The following SLC18A1 variants were observed in gnomAD, a reference collection of about 807,000 sequenced individuals.
The protein encoded by SLC18A1 is chromaffin granule amine transporter.
In SLC18A1, 69 loss-of-function variants were observed where a neutral mutation model predicts 53.7. The ratio of observed to expected loss-of-function variants is 1.28; its 90% CI spans 1.06 to 1.57. The LOEUF (loss-of-function observed/expected upper bound fraction) is 1.57. Among genes scored for constraint, SLC18A1 ranks in the 40% most tolerant of loss-of-function variants. SLC18A1 has a pLI of 0.00. For synonymous variants in SLC18A1, 320 were observed against 248.1 expected, an observed-to-expected ratio of 1.29 and a Z score of -2.72; for missense variants, 932 against 668.1, an observed-to-expected ratio of 1.40 and a Z score of -4.35.
At chr8:20,156,014 A>G (rs1211558089) in intron 10 of SLC18A1, among the ~76,000 whole-genome samples, 1 of 152,234 alleles carries the variant, frequency 6.6e-6, no homozygotes, top group African/African-American at 2.4e-5. Flanking sequence ...GTGCAATACA[A>G]TCTCCAAGCC....
At chr8:20,171,082 T>C (rs1234188311) in intron 8 of SLC18A1, 21 bp downstream of exon 8, 3 of 1,613,372 alleles carry the variant, frequency 1.9e-6, no homozygotes, top group Non-Finnish European at 1.7e-6. Context: ...CTGTTAGAAA[T>C]GGAGCTTTGT....
In SLC18A1 at chr8:20,181,106, C is replaced by A; in HGVS notation, c.-123-19G>T. 1.2e-6 allele frequency: 1 copy of A among 865,610 alleles called. No individual in the cohort carries two copies. The highest frequency in any genetic ancestry group is 2.8e-5 in the East Asian group (1 of 35,410). The allele number at this position is 865,610 out of a possible 1,614,324, so 53.6% of individuals were successfully genotyped here. On this transcript the variant is annotated intron_variant, in intron 1 of 15. Transcript: ENST00000276373. ...AAACTCACTATTAAAACGAAAAGTG[C>A]AAAGGGTTGCAAGTAGTAGGATGAT...
At chr8:20,172,807 G>T (rs2072156769) in intron 6 of SLC18A1, among the ~76,000 whole-genome samples, 1 of 152,174 alleles carries the variant, frequency 6.6e-6, no homozygotes. Flanking sequence ...AATCGGGGAG[G>T]CTCACTTCCT....
chr8:20,174,333 T>C lies in SLC18A1; in HGVS notation c.631+28A>G, dbSNP rs748536065. ...GTGTGTGTGTGCATGCCTGCATGTG[T>C]GTGTGCATGATGAGTTGCCAGTGTT... On this transcript the variant is annotated intron_variant, in intron 5 of 15. Coordinates refer to ENST00000276373, the MANE Select transcript of SLC18A1 (RefSeq NM_003053.4). 2.0e-6 allele frequency: 3 copies of C among 1,490,212 alleles called. No homozygotes were observed. In the African/African-American group the frequency reaches 4.1e-5, roughly 21 times the overall value. The allele number at this position is 1,490,212 out of a possible 1,614,324, so 92.3% of individuals were successfully genotyped here.
In SLC18A1 at chr8:20,147,407, C is replaced by T. The variant is rs1563717042; in HGVS notation, c.1331-16G>A. On this transcript the variant is annotated splice_polypyrimidine_tract_variant and intron_variant, in intron 14 of 15. Coordinates refer to ENST00000276373, the MANE Select transcript of SLC18A1 (RefSeq NM_003053.4). Reference sequence around the variant, plus strand: ...GTGGATGGACCTGGGAGGGATACATCAAAGTCATAAGTGTCTATGGAGCCT... The same window carrying T: ...GTGGATGGACCTGGGAGGGATACATTAAAGTCATAAGTGTCTATGGAGCCT... 8 of 1,600,086 alleles carry T rather than the reference C, an allele frequency of 5.0e-6. No homozygotes were observed. The highest frequency in any genetic ancestry group is 6.8e-6 in the Non-Finnish European group (8 of 1,174,434).
At chr8:20,171,812 C>T (rs1417336378) in intron 6 of SLC18A1, among the ~76,000 whole-genome samples, 1 of 152,120 alleles carries the variant, frequency 6.6e-6, no homozygotes, top group African/African-American at 2.4e-5. Flanking sequence ...AAAGCACAGT[C>T]AATGTCTCAG....
intron 5 of SLC18A1, among the ~76,000 whole-genome samples, chr8:20,173,968 C>G (rs2072191751): frequency 6.7e-6 from 1 of 150,128 alleles, no homozygotes; most frequent in African/African-American, 2.5e-5. Context: ...ACAATCATGG[C>G]TCACTGCAGC....
At chr8:20,170,091 C>T (rs936121112) in intron 8 of SLC18A1, among the ~76,000 whole-genome samples, 5 of 152,138 alleles carry the variant, frequency 3.3e-5, no homozygotes, top group African/African-American at 9.7e-5. Context: ...GTGCTCCTTG[C>T]CCTGAGGAGT....
At chr8:20,177,458 G>C (rs1230153810) in intron 4 of SLC18A1, among the ~76,000 whole-genome samples, 1 of 152,172 alleles carries the variant, frequency 6.6e-6, no homozygotes, top group Non-Finnish European at 1.5e-5. Flanking sequence ...ATGGACACCG[G>C]AAGGGGAACT....
intron 1 of SLC18A1, among the ~76,000 whole-genome samples, chr8:20,182,549 C>A (rs1461079702): frequency 6.6e-6 from 1 of 152,080 alleles, no homozygotes; most frequent in Admixed American, 6.5e-5. Context: ...TCTAAATATT[C>A]AATAATGAGC....
intron 8 of SLC18A1, among the ~76,000 whole-genome samples, chr8:20,169,597 G>C (rs1012594001): frequency 6.6e-6 from 1 of 152,126 alleles, no homozygotes; most frequent in Non-Finnish European, 1.5e-5. Context: ...AGAGAGAATG[G>C]GCTGGGTGCG....
intron 10 of SLC18A1, among the ~76,000 whole-genome samples, chr8:20,160,978 G>C (rs1295482227): frequency 6.6e-6 from 1 of 152,092 alleles, no homozygotes; most frequent in African/African-American, 2.4e-5. Context: ...GTGCCCCTAG[G>C]ACTTTATCAC....
In SLC18A1 at chr8:20,147,700, C is replaced by T; in HGVS notation, c.1233G>A (p.Met411Ile). The change falls in exon 14 of 16, where the codon ATG becomes ATA. Residue 411 changes from methionine to isoleucine, a missense_variant. Physicochemically the swap from Met to Ile is conservative, Grantham distance 10. Transcript: ENST00000276373. ...GATCCACCAGGTGCCCCATGATGGGCATCATAGAAGAATCCACCATGCCTG... is the reference window on the plus strand; with the variant it reads ...GATCCACCAGGTGCCCCATGATGGGTATCATAGAAGAATCCACCATGCCTG... ...LAIGMVDSSMMPIMGHLVDLR... is the reference protein window; with the variant it reads ...LAIGMVDSSMIPIMGHLVDLR... The T allele has an allele frequency of 6.2e-7, 1 of 1,613,660 alleles. No homozygotes were observed. Among genetic ancestry groups the T allele is most frequent in the Non-Finnish European group, 8.5e-7 (1 of 1,179,862 alleles).
intron 4 of SLC18A1, 147 bp from the exon 5 acceptor site, chr8:20,174,591 G>A (rs577209338): frequency 1.6e-6 from 1 of 613,320 alleles, no homozygotes; most frequent in East Asian, 2.8e-5. Flanking sequence ...TGTTTTTTGA[G>A]TTGTCTTTTC....
rs540849573 is a variant in SLC18A1, at chr8:20,171,710, G to A, written c.725-216C>T. On this transcript the variant is annotated intron_variant, in intron 6 of 15. Transcript: ENST00000276373. ...TGTGTGTGTGTGTGTGTGTGCGCGC[G>A]CGTGTGTGTATGTATGTGTGTGTGT... is the stretch of plus-strand genomic sequence containing the variant. Among the ~76,000 whole-genome samples, 171 of 151,852 alleles carry A rather than the reference G, an allele frequency of 1.1e-3. 3 individuals are homozygous for A. The South Asian group carries it at 0.011, about 10-fold the overall frequency.
chr8:20,148,173 T>G, intron 12 of SLC18A1, 103 bp from the exon 13 acceptor site: 1 of 968,412 alleles, frequency 1.0e-6, no homozygotes, highest in Non-Finnish European at 1.6e-6. Flanking sequence ...GAGTGCACTA[T>G]TGGCCACATA....
chr8:20,147,928 T>G (rs10102779), intron 13 of SLC18A1, 79 bp downstream of exon 13: 370,649 of 1,514,184 alleles, frequency 0.24, 47,675 homozygotes, highest in Non-Finnish European at 0.26. Flanking sequence ...CCTCCTCTGA[T>G]GAGAAAAGGG....
intron 8 of SLC18A1, among the ~76,000 whole-genome samples, chr8:20,165,366 G>T (rs550242949): frequency 5.1e-4 from 77 of 152,198 alleles, no homozygotes; most frequent in Non-Finnish European, 1.0e-3. Flanking sequence ...TCCAGCCATG[G>T]TTCCTGCGTT....
At chr8:20,163,887 C>T (rs568796884) in intron 10 of SLC18A1, among the ~76,000 whole-genome samples, 2 of 152,104 alleles carry the variant, frequency 1.3e-5, no homozygotes, top group Non-Finnish European at 2.9e-5. Flanking sequence ...TGGGGAGGAG[C>T]TGCTCTGTGT....
Sources: gnomAD v4.1 joint callset for allele counts (sites outside exome capture counted in the v4.1 genomes callset) on GRCh38, gnomAD v4.1.1 for gene constraint, MANE v1.5 for transcripts, NCBI Gene and HGNC (gene_info 2026-07-23, HGNC 2026-07-21) for gene names.